Variants in ZNF281 observed in about 807,000 individuals in gnomAD.
ZNF281 encodes GC-box-binding zinc finger protein 1.
A neutral mutation model predicts 58.8 loss-of-function variants in ZNF281; 2 were observed. The ratio of observed to expected loss-of-function variants is 0.03; its 90% CI spans 0.01 to 0.11. ZNF281 has a LOEUF of 0.11. Among genes scored for constraint, ZNF281 ranks in the 10% least tolerant of loss-of-function variants. The pLI is 1.00. For missense variants in ZNF281, 975 were observed against 1,090.7 expected (o/e 0.89, Z 1.49); for synonymous variants, 465 against 407.7 (o/e 1.14, Z -1.69).
At position 200,405,069 on chromosome 1, in the gene ZNF281, CTG is replaced by C. The variant is rs1051467070; in HGVS notation, c.*1947_*1948del. 1.3e-5 allele frequency: 2 copies of C among 152,592 alleles called. No homozygotes were observed. The highest frequency in any genetic ancestry group is 2.4e-5 in the African/African-American group (1 of 41,438). The allele number at this position is 152,592 out of a possible 1,614,324, so 9.5% of individuals were successfully genotyped here. A position where few individuals can be genotyped will look rare whatever the true frequency, so the allele number is the denominator to read the frequency against. ...AAATTCAAAACCTGTATAAAACAAACTGGAGAAAAATCATACAGCTTAAGAGA... is the reference window on the plus strand; with the variant it reads ...AAATTCAAAACCTGTATAAAACAAACGAGAAAAATCATACAGCTTAAGAGA... On this transcript the variant is annotated 3_prime_UTR_variant, in exon 2 of 2. Transcript: ENST00000367353.
rs1654423999 is a variant in ZNF281, at chr1:200,405,459, A to T, written c.*1559T>A. ...AATAAGACTGCAAACAACCAGTGGTACTTTTCTGACGTCAGAAGAGTACAT... is the reference window on the plus strand; with the variant it reads ...AATAAGACTGCAAACAACCAGTGGTTCTTTTCTGACGTCAGAAGAGTACAT... On this transcript the variant is annotated 3_prime_UTR_variant, in exon 2 of 2. Coordinates refer to ENST00000367353, the MANE Select transcript of ZNF281 (RefSeq NM_001281293.2). 6.6e-6 allele frequency: 1 copy of T among 152,218 alleles called. No homozygotes were observed. The highest frequency in any genetic ancestry group is 2.4e-5 in the African/African-American group (1 of 41,458). 9.4% of individuals were successfully genotyped at this position (152,218 alleles called of 1,614,324 possible).
In ZNF281 at chr1:200,408,271, A is replaced by G; in HGVS notation, c.1435T>C (p.Tyr479His). The change falls in exon 2 of 2, where the codon TAC becomes CAC. Residue 479 changes from tyrosine to histidine, a missense_variant. By Grantham distance (83) the Tyr-to-His change is moderately conservative (BLOSUM62 2). Transcript: ENST00000367353. ...KGSRKNTDKN[Y>H]LNFVSPLPDI... ...GGTAATGGTGACACAAAGTTAAGGT[A>G]GTTTTTATCTGTATTCTTTCTGCTT... The G allele has an allele frequency of 1.9e-6, 3 of 1,611,466 alleles. No homozygotes were observed. Among genetic ancestry groups the G allele is most frequent in the Non-Finnish European group, 2.5e-6 (3 of 1,180,012 alleles).
Position 200,406,720 on chromosome 1 carries a change from C to A in ZNF281, c.*298G>T. 8.6e-5 allele frequency: 14 copies of A among 163,058 alleles called. No individual in the cohort carries two copies. Among genetic ancestry groups the A allele is most frequent in the Admixed American group, 1.5e-4 (2 of 13,752 alleles). The allele number at this position is 163,058 out of a possible 1,614,324, so 10.1% of individuals were successfully genotyped here. ...TTTTTTTTTTTTGGTTTTTTTTTGTCTTTTTTTTTGCGTTTAAAACATTTG... is the reference window on the plus strand; with the variant it reads ...TTTTTTTTTTTTGGTTTTTTTTTGTATTTTTTTTTGCGTTTAAAACATTTG... On this transcript the variant is annotated 3_prime_UTR_variant, in exon 2 of 2. Transcript: ENST00000367353.
Position 200,408,377 on chromosome 1 carries a change from G to A in ZNF281, c.1329C>T (p.Thr443=), listed in dbSNP as rs139544425. The A allele has an allele frequency of 4.2e-5, 67 of 1,614,038 alleles. No individual in the cohort carries two copies. In the East Asian group the frequency reaches 1.1e-3, roughly 26 times the overall value. The part of the protein sequence containing the change: ...NMQSYSVEMP[T]VSSSGGIIGT... Reference sequence around the variant, plus strand: ...CAATTATGCCTCCACTGGAAGACACGGTAGGCATTTCTACTGAGTAACTCT... The same window carrying A: ...CAATTATGCCTCCACTGGAAGACACAGTAGGCATTTCTACTGAGTAACTCT... Residue 443 remains threonine (T), a synonymous_variant, in exon 2 of 2, where the codon ACC becomes ACT. Transcript: ENST00000367353.
Position 200,407,459 on chromosome 1 carries a change from C to G in ZNF281, c.2247G>C (p.Leu749Phe). 3 of 1,614,110 alleles carry G rather than the reference C, an allele frequency of 1.9e-6. No homozygotes were observed. Among genetic ancestry groups the G allele is most frequent in the Non-Finnish European group, 2.5e-6 (3 of 1,180,026 alleles). ...MLFGSQPGLY[L>F]SALDATHQQL... is the part of the protein sequence containing the mutation. ...GCTGATGTGTAGCATCCAAAGCAGACAAATAAAGACCTGGCTGAGATCCAA... is the reference window on the plus strand; with the variant it reads ...GCTGATGTGTAGCATCCAAAGCAGAGAAATAAAGACCTGGCTGAGATCCAA... Residue 749 changes from leucine to phenylalanine, a missense_variant, in exon 2 of 2, where the codon TTG (leucine) becomes TTC (phenylalanine). Coordinates refer to ENST00000367353, the MANE Select transcript of ZNF281 (RefSeq NM_001281293.2).
At position 200,406,910 on chromosome 1, in the gene ZNF281, G is replaced by C. The variant is rs1459484768; in HGVS notation, c.*108C>G. 3 of 1,020,412 alleles carry C rather than the reference G, an allele frequency of 2.9e-6. No homozygotes were observed. Among genetic ancestry groups the C allele is most frequent in the Non-Finnish European group, 4.1e-6 (3 of 725,680 alleles). 63.2% of individuals were successfully genotyped at this position (1,020,412 alleles called of 1,614,324 possible). On this transcript the variant is annotated 3_prime_UTR_variant, in exon 2 of 2. Coordinates refer to ENST00000367353, the MANE Select transcript of ZNF281 (RefSeq NM_001281293.2). ...AAATATGAAAAGTTGCATTGAAAGG[G>C]CATCACATTATTCTTAATAGGATCG...
rs954655252 is a variant in ZNF281, at chr1:200,405,651, T to G, written c.*1367A>C. 3 of 152,206 alleles carry G rather than the reference T, an allele frequency of 2.0e-5. No homozygotes were observed. The highest frequency in any genetic ancestry group is 2.0e-4 in the Admixed American group (3 of 15,284). 9.4% of individuals were successfully genotyped at this position (152,206 alleles called of 1,614,324 possible). ...GGCAATTAGAGTTCATAGCAAGTTT[T>G]GATGACTTTACAAGACCCCTGTACA... On this transcript the variant is annotated 3_prime_UTR_variant, in exon 2 of 2. Coordinates refer to ENST00000367353, the MANE Select transcript of ZNF281 (RefSeq NM_001281293.2).
chr1:200,406,969 TAAAAC>T lies in ZNF281; in HGVS notation c.*44_*48del, dbSNP rs1654468191. 5.9e-6 allele frequency: 9 copies of T among 1,527,058 alleles called. No homozygotes were observed. Among genetic ancestry groups the T allele is most frequent in the Non-Finnish European group, 7.9e-6 (9 of 1,143,768 alleles). The allele number at this position is 1,527,058 out of a possible 1,614,324, so 94.6% of individuals were successfully genotyped here. On this transcript the variant is annotated 3_prime_UTR_variant, in exon 2 of 2. Transcript: ENST00000367353. ...CATTCCAATGGCAGTGTTCTCAAAA[TAAAAC>T]AAAATTACATTAGAAGACCTCCAGC...
Position 200,409,418 on chromosome 1 carries a change from C to T in ZNF281, c.288G>A (p.Pro96=), listed in dbSNP as rs991303805. The T allele has an allele frequency of 1.3e-6, 2 of 1,507,766 alleles. No homozygotes were observed. Among genetic ancestry groups the T allele is most frequent in the South Asian group, 1.3e-5 (1 of 79,732 alleles). 93.4% of individuals were successfully genotyped at this position (1,507,766 alleles called of 1,614,324 possible). A position where few individuals can be genotyped will look rare whatever the true frequency, so the allele number is the denominator to read the frequency against. Residue 96 remains proline, a synonymous_variant, in exon 2 of 2, where the codon CCG becomes CCA. Coordinates refer to ENST00000367353, the MANE Select transcript of ZNF281 (RefSeq NM_001281293.2). The stretch of plus-strand genomic sequence containing the variant: ...CCGGCTCCTTCTTGAAAGTCATGTC[C>T]GGGGCTGGCGGAGGGGGGGGCTCAG... The part of the protein sequence containing the change: ...PAAEPPPPPA[P]DMTFKKEPAA...
rs1406372123 is a variant in ZNF281 at position 200,406,301 on chromosome 1, T to C, written c.*717A>G. ...TGCTTTTTTTTTTTCCTTCTTTTAT[T>C]AAAGCTATCATTCCAGGCTTTGATC... On this transcript the variant is annotated 3_prime_UTR_variant, in exon 2 of 2. Transcript: ENST00000367353. The C allele has an allele frequency of 8.1e-4, 124 of 152,640 alleles. 1 individual carries two copies. Among genetic ancestry groups the C allele is most frequent in the Non-Finnish European group, 4.4e-5 (3 of 68,004 alleles). 9.5% of individuals were successfully genotyped at this position (152,640 alleles called of 1,614,324 possible).
rs1444404320 is a variant in ZNF281 at position 200,409,956 on chromosome 1, G to A, written c.-29C>T. On this transcript the variant is annotated 5_prime_UTR_variant, in exon 1 of 2. Coordinates refer to ENST00000367353, the MANE Select transcript of ZNF281 (RefSeq NM_001281293.2). Reference sequence around the variant, plus strand: ...ACCGGCAATACTTACGGGTCCCGCCGCCGCCGCAGCCGCCGTCGCCTCCAG... The same window carrying A: ...ACCGGCAATACTTACGGGTCCCGCCACCGCCGCAGCCGCCGTCGCCTCCAG... The A allele has an allele frequency of 1.2e-5, 7 of 600,546 alleles. No homozygotes were observed. Among genetic ancestry groups the A allele is most frequent in the African/African-American group, 1.1e-4 (6 of 52,394 alleles). The allele number at this position is 600,546 out of a possible 1,614,324, so 37.2% of individuals were successfully genotyped here.
Position 200,409,622 on chromosome 1 carries a change from G to A in ZNF281, c.84C>T (p.Gly28=), listed in dbSNP as rs748204343. 25 of 1,550,084 alleles carry A rather than the reference G, an allele frequency of 1.6e-5. No homozygotes were observed. The African/African-American group carries it at 2.8e-4, about 17-fold the overall frequency. ...CGCTGCTGCCGCCGCCGCCGCCGCC[G>A]CCACTACCACCGCCGCCGGAGCCGC... ...GGSGSGGGGS[G]GGGGGGSSGR... is the part of the protein sequence containing the mutation. The change falls in exon 2 of 2, where the codon GGC becomes GGT. Residue 28 remains glycine (G), a synonymous_variant. Coordinates refer to ENST00000367353, the MANE Select transcript of ZNF281 (RefSeq NM_001281293.2).
chr1:200,409,124 G>A lies in ZNF281; in HGVS notation c.582C>T (p.Asp194=), dbSNP rs1558005833. 6 of 1,614,162 alleles carry A rather than the reference G, an allele frequency of 3.7e-6. No individual in the cohort carries two copies. The highest frequency in any genetic ancestry group is 4.2e-6 in the Non-Finnish European group (5 of 1,180,034). Residue 194 remains aspartate (D), a synonymous_variant, in exon 2 of 2, where the codon GAC becomes GAT. Transcript: ENST00000367353. ...TCCTGCTACTGCTGCTGAGTAATAC[G>A]TCACGGTGGTGCTGGGCTGGTTGCT... The part of the protein sequence containing the change: ...VQQQPAQHHR[D]VLLSSSSRTD...
chr1:200,407,389 T>C lies in ZNF281; in HGVS notation c.2317A>G (p.Lys773Glu). ...QELDDLIDSQ[K>E]NLETSSAFQS... is the part of the protein sequence containing the mutation. Reference sequence around the variant, plus strand: ...AAGGCTGATGAAGTCTCTAAGTTCTTCTGAGAATCTATCAGATCATCCAGC... The same window carrying C: ...AAGGCTGATGAAGTCTCTAAGTTCTCCTGAGAATCTATCAGATCATCCAGC... The change falls in exon 2 of 2, where the codon AAG becomes GAG. Residue 773 changes from lysine (K) to glutamate (E), a missense_variant. This residue lies in a region of ZNF281 where 579 missense variants were observed against 608.9 expected (regional missense o/e 0.95). Coordinates refer to ENST00000367353, the MANE Select transcript of ZNF281 (RefSeq NM_001281293.2). 6.2e-7 allele frequency: 1 copy of C among 1,614,154 alleles called. No individual in the cohort carries two copies. The highest frequency in any genetic ancestry group is 8.5e-7 in the Non-Finnish European group (1 of 1,180,034).
chr1:200,408,308 G>C lies in ZNF281; in HGVS notation c.1398C>G (p.Ile466Met). The C allele has an allele frequency of 6.2e-7, 1 of 1,612,554 alleles. No homozygotes were observed. The highest frequency in any genetic ancestry group is 8.5e-7 in the Non-Finnish European group (1 of 1,180,006). Reference sequence around the variant, plus strand: ...TATTCTTTCTGCTTCCTTTCTTAAAGATCAATTTTGGCACCCTCTTCTGCA... The same window carrying C: ...TATTCTTTCTGCTTCCTTTCTTAAACATCAATTTTGGCACCCTCTTCTGCA... ...DELQKRVPKL[I>M]FKKGSRKNTD... is the part of the protein sequence containing the mutation. The change falls in exon 2 of 2, where the codon ATC (isoleucine) becomes ATG (methionine). Residue 466 changes from isoleucine to methionine, a missense_variant. Coordinates refer to ENST00000367353, the MANE Select transcript of ZNF281 (RefSeq NM_001281293.2).
In ZNF281 at chr1:200,409,460, G is replaced by C. The variant is rs889564634; in HGVS notation, c.246C>G (p.Thr82=). 6.5e-7 allele frequency: 1 copy of C among 1,541,214 alleles called. No homozygotes were observed. Residue 82 remains threonine, a synonymous_variant, in exon 2 of 2, where the codon ACC becomes ACG. Transcript: ENST00000367353. ...GGGGCTCAGCGGCCGGGGCTGCGGA[G>C]GTAGAGGAGGATAACACGCATTGCG... ...PPPQCVLSSS[T]SAAPAAEPPP...
rs1287186414 is a variant in ZNF281, at chr1:200,408,583, C to T, written c.1123G>A (p.Ala375Thr). 4 of 1,614,190 alleles carry T rather than the reference C, an allele frequency of 2.5e-6. No homozygotes were observed. The highest frequency in any genetic ancestry group is 3.4e-6 in the Non-Finnish European group (4 of 1,180,048). Reference protein sequence around the residue: ...RTCGEVIVKGATSAEPGSSNH... With the variant: ...RTCGEVIVKGTTSAEPGSSNH... ...GATGACCCAGGTTCTGCACTAGTGG[C>T]TCCTTTAACTATGACTTCACCACAT... Residue 375 changes from alanine (A) to threonine (T), a missense_variant, in exon 2 of 2, where the codon GCC (alanine) becomes ACC (threonine). Physicochemically the swap from Ala to Thr is moderately conservative, Grantham distance 58. Coordinates refer to ENST00000367353, the MANE Select transcript of ZNF281 (RefSeq NM_001281293.2).
Position 200,405,884 on chromosome 1 carries a change from G to C in ZNF281, c.*1134C>G, listed in dbSNP as rs1654436591. ...ATGGGTTTTTTTTTTTTTAAAGGTG[G>C]GTTTTGGGGATGTTTACCCTATTGT... On this transcript the variant is annotated 3_prime_UTR_variant, in exon 2 of 2. Transcript: ENST00000367353. The C allele has an allele frequency of 6.6e-6, 1 of 150,626 alleles. No homozygotes were observed. The highest frequency in any genetic ancestry group is 1.5e-5 in the Non-Finnish European group (1 of 67,720). The allele number at this position is 150,626 out of a possible 1,614,324, so 9.3% of individuals were successfully genotyped here.
At position 200,409,653 on chromosome 1, in the gene ZNF281, C is replaced by A. The variant is rs1396388956; in HGVS notation, c.53G>T (p.Gly18Val). The A allele has an allele frequency of 6.4e-7, 1 of 1,558,548 alleles. No homozygotes were observed. ...LSGGGGTGSS[G>V]GSGSGGGGSG... is the part of the protein sequence containing the mutation. ...ACCACCGCCGCCGGAGCCGCTACCA[C>A]CGCTACTGCCGGTACCTCCGCCGCC... Residue 18 changes from glycine to valine, a missense_variant, in exon 2 of 2, where the codon GGT (glycine) becomes GTT (valine). This residue lies in a region of ZNF281 where 370 missense variants were observed against 360.9 expected (regional missense o/e 1.03). Transcript: ENST00000367353.
Sources: gnomAD v4.1 joint callset for allele counts on GRCh38, gnomAD v4.1.1 for gene constraint, gnomAD v4.1.1 regional missense constraint, MANE v1.5 for transcripts, NCBI Gene and HGNC (gene_info 2026-07-23, HGNC 2026-07-21) for gene names.